Variants in HNRNPUL1 observed in about 807,000 individuals in gnomAD.
HNRNPUL1 encodes the protein heterogeneous nuclear ribonucleoprotein U like 1.
Under a neutral mutation model 108.5 loss-of-function variants are expected in HNRNPUL1, and 14 were observed. The ratio of observed to expected loss-of-function variants is 0.13; its 90% CI spans 0.09 to 0.20. The LOEUF (loss-of-function observed/expected upper bound fraction) is 0.20, where lower values mean the gene tolerates loss of function less well. HNRNPUL1 is among the 10% of genes least tolerant of loss of function. HNRNPUL1 has a pLI of 1.00. For synonymous variants in HNRNPUL1, 422 were observed against 445.2 expected, an observed-to-expected ratio of 0.95 and a Z score of 0.66; for missense variants, 804 against 1,168.3, an observed-to-expected ratio of 0.69 and a Z score of 4.55.
intron 7 of HNRNPUL1, among the ~76,000 whole-genome samples, chr19:41,282,945 C>T (rs1389748146): frequency 5.3e-5 from 8 of 151,990 alleles, no homozygotes; most frequent in Non-Finnish European, 1.0e-4. Context: ...CCGCCCGCCT[C>T]GGCCTCCCAA....
At chr19:41,303,095 G>T in intron 12 of HNRNPUL1, 146 bp downstream of exon 12, 1 of 933,136 alleles carries the variant, frequency 1.1e-6, no homozygotes, top group Non-Finnish European at 1.5e-6. Flanking sequence ...AGTCAGACAC[G>T]GAGACCTCAG....
At chr19:41,272,058 C>T (rs777007765) in intron 2 of HNRNPUL1, 24 bp from the exon 3 acceptor site, 3 of 1,611,724 alleles carry the variant, frequency 1.9e-6, no homozygotes, top group Admixed American at 1.7e-5. Context: ...GTGTCTTGAC[C>T]ATCTGAATTT....
chr19:41,273,968 T>G lies in HNRNPUL1; in HGVS notation c.573-14T>G. ...CATTGTTCTTGTATGACTTAACCCCTGTTTCTAATACAGGGGCCGCTCTCC... is the reference window on the plus strand; with the variant it reads ...CATTGTTCTTGTATGACTTAACCCCGGTTTCTAATACAGGGGCCGCTCTCC... On this transcript the variant is annotated splice_polypyrimidine_tract_variant and intron_variant, in intron 3 of 14. Coordinates refer to ENST00000392006, the MANE Select transcript of HNRNPUL1 (RefSeq NM_007040.6). 6.2e-7 allele frequency: 1 copy of G among 1,609,058 alleles called. No individual in the cohort carries two copies. Among genetic ancestry groups the G allele is most frequent in the Middle Eastern group, 1.7e-4 (1 of 6,042 alleles).
chr19:41,263,664 C>A (rs897315327), upstream of HNRNPUL1, among the ~76,000 whole-genome samples: 2 of 152,210 alleles, frequency 1.3e-5, no homozygotes, highest in Non-Finnish European at 2.9e-5. Flanking sequence ...AACTGTGTAT[C>A]CACTTAATCT....
At chr19:41,263,040 C>CAA (rs761873641), upstream of HNRNPUL1, 9,168 of 58,160 alleles carry the variant, frequency 0.16, 707 homozygotes, top group South Asian at 0.23. Context: ...GACTCCGTCT[C>CAA]AAAAAAAAAA....
At chr19:41,296,387 C>A (rs2036898482) in intron 10 of HNRNPUL1, among the ~76,000 whole-genome samples, 1 of 152,200 alleles carries the variant, frequency 6.6e-6, no homozygotes, top group Non-Finnish European at 1.5e-5. Context: ...TCAGGGCTAC[C>A]AGCCTCCTGC....
chr19:41,265,139 G>A, intron 1 of HNRNPUL1: 1 of 1,422,166 alleles, frequency 7.0e-7, no homozygotes, highest in Non-Finnish European at 9.1e-7. Flanking sequence ...GTTTGGGTTG[G>A]GGAGGGTCTC....
upstream of HNRNPUL1, among the ~76,000 whole-genome samples, chr19:41,263,553 G>T (rs887190025): frequency 6.6e-6 from 1 of 152,188 alleles, no homozygotes; most frequent in African/African-American, 2.4e-5. Context: ...TTTACAACTT[G>T]CCTCCCGTTG....
intron 7 of HNRNPUL1, among the ~76,000 whole-genome samples, chr19:41,287,667 C>T (rs891555818): frequency 6.6e-6 from 1 of 152,116 alleles, no homozygotes; most frequent in Non-Finnish European, 1.5e-5. Context: ...TCAAACGATT[C>T]TCCAGCCTCA....
At chr19:41,272,557 ATCTGTTTCCTAACAC>A (rs1403077921) in intron 3 of HNRNPUL1, among the ~76,000 whole-genome samples, 5 of 152,136 alleles carry the variant, frequency 3.3e-5, no homozygotes, top group African/African-American at 4.8e-5. Context: ...TGAAAGAAAT[ATCTGTTTCCTAACAC>A]TACTCCCAAA....
rs1198449528 is a variant in HNRNPUL1 at position 41,296,504 on chromosome 19, G to A, written c.1518+1818G>A. Among the ~76,000 whole-genome samples the A allele has an allele frequency of 2.6e-5, 4 of 152,224 alleles. No individual in the cohort carries two copies. The East Asian group carries it at 7.7e-4, about 29-fold the overall frequency. ...GTTCTCTGGTTAACCACAGATTGGA[G>A]GATTGCCTCGGGGCCTGAAGCCATA... On this transcript the variant is annotated intron_variant, in intron 10 of 14. Coordinates refer to ENST00000392006, the MANE Select transcript of HNRNPUL1 (RefSeq NM_007040.6).
In HNRNPUL1 at chr19:41,264,760, A is replaced by G; in HGVS notation, c.257A>G (p.His86Arg). The G allele has an allele frequency of 1.4e-6, 2 of 1,382,860 alleles. No individual in the cohort carries two copies. The highest frequency in any genetic ancestry group is 1.9e-6 in the Non-Finnish European group (2 of 1,072,660). The allele number at this position is 1,382,860 out of a possible 1,614,324, so 85.7% of individuals were successfully genotyped here. Reference sequence around the variant, plus strand: ...CCACCGCCGCCCGGGCTGCAGCCGCACGCGGAGCCCGGCGGCTACTCGGGG... The same window carrying G: ...CCACCGCCGCCCGGGCTGCAGCCGCGCGCGGAGCCCGGCGGCTACTCGGGG... The part of the protein sequence containing the change: ...AQPPPPGLQP[H>R]AEPGGYSGPD... The change falls in exon 1 of 15, where the codon CAC becomes CGC. Residue 86 changes from histidine to arginine, a missense_variant. By Grantham distance (29) the His-to-Arg change is conservative. Around this residue, in one of 4 missense-constraint regions of HNRNPUL1, gnomAD observed 256 missense variants for 261.6 expected, o/e 0.98. Coordinates refer to ENST00000392006, the MANE Select transcript of HNRNPUL1 (RefSeq NM_007040.6).
At chr19:41,277,589 C>G (rs1310145005) in intron 5 of HNRNPUL1, among the ~76,000 whole-genome samples, 1 of 152,184 alleles carries the variant, frequency 6.6e-6, no homozygotes, top group Non-Finnish European at 1.5e-5. Context: ...TCACTGCAAC[C>G]TCTGCCTCCC....
At chr19:41,266,577 A>G (rs982177339) in intron 1 of HNRNPUL1, among the ~76,000 whole-genome samples, 2 of 152,082 alleles carry the variant, frequency 1.3e-5, no homozygotes, top group African/African-American at 4.8e-5. Flanking sequence ...GGCGTGAATC[A>G]CTGCACCAGG....
chr19:41,301,792 C>A lies in HNRNPUL1; in HGVS notation c.1687+88C>A. On this transcript the variant is annotated intron_variant, in intron 11 of 14. Transcript: ENST00000392006. ...ACTCAGTTTGTCCTTCCCTGGCTCC[C>A]CAGTGATTTCTTTTTTGATCTTACT... 2.5e-6 allele frequency: 3 copies of A among 1,204,414 alleles called. No individual in the cohort carries two copies. In the South Asian group the frequency reaches 4.6e-5, roughly 18 times the overall value. The allele number at this position is 1,204,414 out of a possible 1,614,324, so 74.6% of individuals were successfully genotyped here.
At chr19:41,273,916 A>C (rs2035394172) in intron 3 of HNRNPUL1, 66 bp from the exon 4 acceptor site, 2 of 1,297,986 alleles carry the variant, frequency 1.5e-6, no homozygotes, top group African/African-American at 2.9e-5. Flanking sequence ...ACAGCAGAAC[A>C]TTCATTTTCT....
At chr19:41,289,034 C>G (rs1316788581) in intron 7 of HNRNPUL1, among the ~76,000 whole-genome samples, 1 of 142,368 alleles carries the variant, frequency 7.0e-6, no homozygotes, top group African/African-American at 2.6e-5. Context: ...TAGCTACCAC[C>G]AAGACTACAC....
At chr19:41,299,400 A>G (rs1487942102) in intron 10 of HNRNPUL1, among the ~76,000 whole-genome samples, 2 of 152,206 alleles carry the variant, frequency 1.3e-5, no homozygotes, top group Non-Finnish European at 1.5e-5. Flanking sequence ...GCCCCTGGCT[A>G]ATCCACATCC....
Position 41,306,835 on chromosome 19 carries a change from C to G in HNRNPUL1, c.*270C>G. 3.3e-6 allele frequency: 1 copy of G among 299,676 alleles called. No homozygotes were observed. 18.6% of individuals were successfully genotyped at this position (299,676 alleles called of 1,614,324 possible). On this transcript the variant is annotated 3_prime_UTR_variant, in exon 15 of 15. Transcript: ENST00000392006. Reference sequence around the variant, plus strand: ...GCCTTCCACCTCCTGTTCTTCCTACCTTCTTCCTTTTTGACTAAATAATCC... The same window carrying G: ...GCCTTCCACCTCCTGTTCTTCCTACGTTCTTCCTTTTTGACTAAATAATCC...
Sources: allele counts gnomAD v4.1 joint callset (sites outside exome capture counted in the v4.1 genomes callset), GRCh38; gene constraint gnomAD v4.1.1; regional missense constraint gnomAD v4.1.1; transcripts MANE v1.5; gene names NCBI Gene and HGNC (gene_info 2026-07-23, HGNC 2026-07-21).